The following FILIP1L variants were observed in gnomAD, a reference collection of about 807,000 sequenced individuals.
The protein encoded by FILIP1L is filamin A-interacting protein 1-like.
A neutral mutation model predicts 96.6 loss-of-function variants in FILIP1L; 55 were observed. The observed-to-expected ratio is 0.57, with a 90% confidence interval of 0.46 to 0.71. The LOEUF is 0.71. FILIP1L is among the 30% of genes least tolerant of loss of function. The pLI, the probability that FILIP1L is intolerant of heterozygous loss-of-function variation, is 0.00. For synonymous variants in FILIP1L, 467 were observed against 473.9 expected, an observed-to-expected ratio of 0.99 and a Z score of 0.19; for missense variants, 1,304 against 1,321.2, an observed-to-expected ratio of 0.99 and a Z score of 0.20.
At chr3:100,044,171 T>C (rs2065245767) in intron 1 of FILIP1L, among the ~76,000 whole-genome samples, 1 of 152,208 alleles carries the variant, frequency 6.6e-6, no homozygotes, top group African/African-American at 2.4e-5. Flanking sequence ...TTGAGCCAGT[T>C]ACTTGCCTCG....
chr3:100,010,995 A>G (rs1710137676), intron 1 of FILIP1L, among the ~76,000 whole-genome samples: 1 of 152,066 alleles, frequency 6.6e-6, no homozygotes, highest in Non-Finnish European at 1.5e-5. Context: ...GTTATTTAAC[A>G]GAAGAAATAG....
At chr3:99,840,569 G>C (rs571902161) in intron 5 of FILIP1L, among the ~76,000 whole-genome samples, 2 of 152,304 alleles carry the variant, frequency 1.3e-5, no homozygotes, top group East Asian at 3.9e-4. Context: ...TTTGACATCT[G>C]TAAGTGGAAA....
In FILIP1L at chr3:99,986,730, G is replaced by A. The variant is rs978233422; in HGVS notation, c.-10-55700C>T. Among the ~76,000 whole-genome samples, 107 of 152,230 alleles carry A rather than the reference G, an allele frequency of 7.0e-4. 2 individuals are homozygous for A. Among genetic ancestry groups the A allele is most frequent in the Non-Finnish European group, 1.5e-4 (10 of 68,006 alleles). On this transcript the variant is annotated intron_variant, in intron 1 of 5. Transcript: ENST00000477258. ...TTCCTCTAGTCTAGTGGCCCTAAGC[G>A]GGGGATTCTTTTGCCCCACCCCCAG...
chr3:100,023,701 T>C (rs2064867493), intron 1 of FILIP1L, among the ~76,000 whole-genome samples: 1 of 152,144 alleles, frequency 6.6e-6, no homozygotes, highest in South Asian at 2.1e-4. Flanking sequence ...AACCATGATG[T>C]ATGTCATGGT....
chr3:99,970,681 A>G (rs1055297817), intron 1 of FILIP1L, among the ~76,000 whole-genome samples: 4 of 152,240 alleles, frequency 2.6e-5, no homozygotes, highest in Non-Finnish European at 5.9e-5. Context: ...AAATGACAAG[A>G]CATTCTGTAT....
At chr3:100,039,029 T>C (rs1356222071) in intron 1 of FILIP1L, among the ~76,000 whole-genome samples, 2 of 152,248 alleles carry the variant, frequency 1.3e-5, no homozygotes, top group African/African-American at 2.4e-5. Context: ...ACAATAATTT[T>C]GCATTAATTC....
Position 99,929,839 on chromosome 3 carries a change from C to G in FILIP1L, c.426+17G>C. 6.3e-7 allele frequency: 1 copy of G among 1,596,514 alleles called. No individual in the cohort carries two copies. On this transcript the variant is annotated intron_variant, in intron 3 of 5. Coordinates refer to ENST00000477258, the MANE Select transcript of FILIP1L (RefSeq NM_001387850.1). The stretch of plus-strand genomic sequence containing the variant: ...CTTGGCTGCCTCCCAGGTACACACC[C>G]CTATTGTGGTACATACCTCATTCAT...
intron 4 of FILIP1L, among the ~76,000 whole-genome samples, chr3:99,916,118 G>A (rs1706942362): frequency 6.6e-6 from 1 of 152,136 alleles, no homozygotes; most frequent in Non-Finnish European, 1.5e-5. Flanking sequence ...AAAGAGGTTA[G>A]CATTTTAGTT....
intron 1 of FILIP1L, among the ~76,000 whole-genome samples, chr3:100,093,793 C>T (rs2066155421): frequency 6.6e-6 from 1 of 152,216 alleles, no homozygotes; most frequent in Non-Finnish European, 1.5e-5. Context: ...TAAATAGAAT[C>T]ATACAACATG....
At chr3:99,901,599 A>G (rs1576559274) in intron 4 of FILIP1L, among the ~76,000 whole-genome samples, 1 of 152,228 alleles carries the variant, frequency 6.6e-6, no homozygotes, top group Non-Finnish European at 1.5e-5. Flanking sequence ...ATAATATTAC[A>G]TAGTTTACAC....
At chr3:99,929,586 G>A (rs147428992) in intron 3 of FILIP1L, among the ~76,000 whole-genome samples, 2 of 152,072 alleles carry the variant, frequency 1.3e-5, no homozygotes, top group East Asian at 3.9e-4. Context: ...GTGTGTATGT[G>A]CCTGCACATG....
intron 1 of FILIP1L, among the ~76,000 whole-genome samples, chr3:100,107,262 C>A (rs2066411329): frequency 6.6e-6 from 1 of 152,118 alleles, no homozygotes; most frequent in South Asian, 2.1e-4. Flanking sequence ...TAATAGAATT[C>A]TATGCTGAAA....
At chr3:100,001,599 G>A (rs538941528) in intron 1 of FILIP1L, among the ~76,000 whole-genome samples, 1 of 152,290 alleles carries the variant, frequency 6.6e-6, no homozygotes, top group South Asian at 2.1e-4. Flanking sequence ...ACAGGGTGGG[G>A]AGGGAGTGGG....
At chr3:99,933,250 T>C (rs1179301871) in intron 1 of FILIP1L, among the ~76,000 whole-genome samples, 1 of 152,138 alleles carries the variant, frequency 6.6e-6, no homozygotes, top group African/African-American at 2.4e-5. Flanking sequence ...AAAATGCCTA[T>C]AGCCTTACTG....
At chr3:100,109,011 G>A (rs1178534182) in intron 1 of FILIP1L, among the ~76,000 whole-genome samples, 1 of 151,566 alleles carries the variant, frequency 6.6e-6, no homozygotes, top group Non-Finnish European at 1.5e-5. Context: ...TTTCAATGCA[G>A]TTTGACAGTC....
At chr3:100,083,601 C>T (rs1173374439) in intron 1 of FILIP1L, among the ~76,000 whole-genome samples, 2 of 152,152 alleles carry the variant, frequency 1.3e-5, no homozygotes, top group Admixed American at 6.5e-5. Flanking sequence ...ATATTAGTTG[C>T]TTAGTGCATG....
At chr3:99,959,183 C>A (rs1022222576) in intron 1 of FILIP1L, among the ~76,000 whole-genome samples, 1 of 152,214 alleles carries the variant, frequency 6.6e-6, no homozygotes, top group Non-Finnish European at 1.5e-5. Context: ...GAGTCTCACT[C>A]TCTTGCCCAG....
intron 4 of FILIP1L, among the ~76,000 whole-genome samples, chr3:99,886,118 C>T: frequency 6.6e-6 from 1 of 152,234 alleles, no homozygotes; most frequent in East Asian, 1.9e-4. Context: ...CACACGTGCA[C>T]ATGGACGTGA....
At chr3:99,917,332 C>A (rs986680311) in intron 4 of FILIP1L, among the ~76,000 whole-genome samples, 1 of 152,264 alleles carries the variant, frequency 6.6e-6, no homozygotes, top group South Asian at 2.1e-4. Flanking sequence ...TGTCTTTTCA[C>A]CTGTATTTTA....
Sources: allele counts gnomAD v4.1 joint callset (sites outside exome capture counted in the v4.1 genomes callset), GRCh38; gene constraint gnomAD v4.1.1; transcripts MANE v1.5; gene names NCBI Gene and HGNC (gene_info 2026-07-23, HGNC 2026-07-21).